Variants in GAS2 observed in about 807,000 individuals in gnomAD.
The protein encoded by GAS2 is growth arrest-specific protein 2.
In GAS2, 20 loss-of-function variants were observed where a neutral mutation model predicts 37.5. The observed-to-expected ratio is 0.53, with a 90% confidence interval of 0.37 to 0.77. The LOEUF (loss-of-function observed/expected upper bound fraction) is 0.77, where lower values mean the gene tolerates loss of function less well. Ranked by LOEUF, GAS2 falls within the 30% of genes least tolerant of loss-of-function variation. GAS2 has a pLI of 0.00. For missense variants in GAS2, 336 were observed against 373.4 expected, an observed-to-expected ratio of 0.90 and a Z score of 0.82; for synonymous variants, 144 against 132.2, an observed-to-expected ratio of 1.09 and a Z score of -0.61.
intron 2 of GAS2, among the ~76,000 whole-genome samples, chr11:22,683,440 AT>A (rs1428842143): frequency 1.3e-5 from 2 of 151,924 alleles, no homozygotes; most frequent in Admixed American, 1.3e-4. Flanking sequence ...TAATTTTTGT[AT>A]TTTTAGTAGA....
intron 7 of GAS2, among the ~76,000 whole-genome samples, chr11:22,781,044 ATAGAT>A (rs1222066693): frequency 2.6e-5 from 4 of 152,190 alleles, no homozygotes; most frequent in Non-Finnish European, 4.4e-5. Context: ...CCCAGACTAG[ATAGAT>A]TAAGAGGTGA....
chr11:22,732,209 C>T (rs1453421697), intron 4 of GAS2, among the ~76,000 whole-genome samples: 1 of 151,702 alleles, frequency 6.6e-6, no homozygotes, highest in Non-Finnish European at 1.5e-5. Flanking sequence ...AGAAAAGACT[C>T]ACCTCTGATT....
At chr11:22,649,525 C>A (rs1345564616) in intron 1 of GAS2, among the ~76,000 whole-genome samples, 1 of 152,088 alleles carries the variant, frequency 6.6e-6, no homozygotes, top group South Asian at 2.1e-4. Flanking sequence ...TGGTAGAATT[C>A]GGCTGTGAAT....
intron 1 of GAS2, among the ~76,000 whole-genome samples, chr11:22,647,445 G>A (rs1848713202): frequency 6.6e-6 from 1 of 152,098 alleles, no homozygotes; most frequent in African/African-American, 2.4e-5. Flanking sequence ...CCCAGTAATG[G>A]GATGGCTGGA....
chr11:22,727,054 CAA>C (rs1017992350), intron 4 of GAS2, among the ~76,000 whole-genome samples: 1 of 152,006 alleles, frequency 6.6e-6, no homozygotes, highest in Non-Finnish European at 1.5e-5. Context: ...TGAATTTAGG[CAA>C]AGTCACTTCC....
At chr11:22,711,683 T>A (rs1257583720) in intron 3 of GAS2, among the ~76,000 whole-genome samples, 3 of 152,184 alleles carry the variant, frequency 2.0e-5, no homozygotes, top group African/African-American at 7.2e-5. Context: ...GGGAGTGAGA[T>A]TGGCCTTGCT....
At chr11:22,763,410 T>TTTTTTTTTACTC (rs1194384737) in intron 7 of GAS2, among the ~76,000 whole-genome samples, 11 of 152,204 alleles carry the variant, frequency 7.2e-5, no homozygotes, top group Non-Finnish European at 1.3e-4. Flanking sequence ...TTATGGCACA[T>TTTTTTTTTACTC]ACTGATTTAC....
In GAS2 at chr11:22,676,327, G is replaced by A. The variant is rs571677566; in HGVS notation, c.145+1313G>A. 5.3e-5 allele frequency among the ~76,000 whole-genome samples: 8 copies of A among 152,220 alleles called. No individual in the cohort carries two copies. In the South Asian group the frequency reaches 1.7e-3, roughly 32 times the overall value. ...ACAGATGGATTTTTCTCTCTCTTCTGTCTTTTTGGGGTTCACTAATGATTG... is the reference window on the plus strand; with the variant it reads ...ACAGATGGATTTTTCTCTCTCTTCTATCTTTTTGGGGTTCACTAATGATTG... On this transcript the variant is annotated intron_variant, in intron 2 of 7. Transcript: ENST00000454584.
chr11:22,805,744 A>G (rs1457835605), intron 7 of GAS2, among the ~76,000 whole-genome samples: 1 of 152,198 alleles, frequency 6.6e-6, no homozygotes, highest in Non-Finnish European at 1.5e-5. Context: ...CTCCATAAAC[A>G]AAACATCCCT....
At chr11:22,689,721 T>G (rs1850144813) in intron 3 of GAS2, among the ~76,000 whole-genome samples, 1 of 152,182 alleles carries the variant, frequency 6.6e-6, no homozygotes. Context: ...ACAACCCAGG[T>G]AATTAGGATT....
intron 3 of GAS2, among the ~76,000 whole-genome samples, chr11:22,698,671 A>C (rs1232107638): frequency 6.6e-6 from 1 of 151,446 alleles, no homozygotes; most frequent in Non-Finnish European, 1.5e-5. Context: ...CTTATCCACC[A>C]TGATCAAGTG....
At chr11:22,660,774 A>G (rs1848907401) in intron 1 of GAS2, among the ~76,000 whole-genome samples, 1 of 152,226 alleles carries the variant, frequency 6.6e-6, no homozygotes, top group African/African-American at 2.4e-5. Context: ...TACTGTGATC[A>G]TAGCAGAATG....
chr11:22,671,546 A>G (rs1338060220), intron 1 of GAS2, among the ~76,000 whole-genome samples: 1 of 152,130 alleles, frequency 6.6e-6, no homozygotes, highest in Non-Finnish European at 1.5e-5. Context: ...CTTCAAGTCT[A>G]GTGGATCATC....
At chr11:22,689,842 G>A (rs1366271510) in intron 3 of GAS2, among the ~76,000 whole-genome samples, 2 of 152,168 alleles carry the variant, frequency 1.3e-5, no homozygotes, top group Non-Finnish European at 2.9e-5. Context: ...ATGTGTTCAT[G>A]TATGTGTTTG....
At chr11:22,739,447 G>A (rs1165708806) in intron 5 of GAS2, among the ~76,000 whole-genome samples, 2 of 151,574 alleles carry the variant, frequency 1.3e-5, no homozygotes, top group African/African-American at 4.8e-5. Context: ...GGTGGTGGGC[G>A]CCTGTTGTCC....
At chr11:22,781,214 G>A (rs1335365516) in intron 7 of GAS2, among the ~76,000 whole-genome samples, 1 of 152,132 alleles carries the variant, frequency 6.6e-6, no homozygotes, top group Admixed American at 6.5e-5. Context: ...CACACTCTAT[G>A]GTCACTTAGC....
intron 5 of GAS2, among the ~76,000 whole-genome samples, chr11:22,747,204 AT>A (rs1208618338): frequency 6.6e-6 from 1 of 152,064 alleles, no homozygotes; most frequent in African/African-American, 2.4e-5. Context: ...AGAATAGAGA[AT>A]TTTTTTACAT....
At chr11:22,779,113 G>A (rs1289166180) in intron 7 of GAS2, among the ~76,000 whole-genome samples, 2 of 150,792 alleles carry the variant, frequency 1.3e-5, no homozygotes, top group Non-Finnish European at 2.9e-5. Flanking sequence ...AATAGAATCA[G>A]GGAATACTTT....
intron 6 of GAS2, 162 bp from the exon 7 acceptor site, chr11:22,755,684 A>G: frequency 1.8e-6 from 1 of 543,520 alleles, no homozygotes; most frequent in South Asian, 2.5e-5. Flanking sequence ...TGAACTTTAC[A>G]TGGTTATGAT....
Sources: gnomAD v4.1 joint callset for allele counts (sites outside exome capture counted in the v4.1 genomes callset) on GRCh38, gnomAD v4.1.1 for gene constraint, MANE v1.5 for transcripts, NCBI Gene and HGNC (gene_info 2026-07-23, HGNC 2026-07-21) for gene names.